Variants in TMEM117 observed in about 807,000 individuals in gnomAD.
TMEM117 encodes the protein transmembrane protein 117.
In TMEM117, 27 loss-of-function variants were observed where a neutral mutation model predicts 52.4. The ratio of observed to expected loss-of-function variants is 0.51; its 90% confidence interval spans 0.38 to 0.71. TMEM117 has a LOEUF of 0.71. Ranked by LOEUF, TMEM117 falls within the 30% of genes least tolerant of loss-of-function variation. The pLI is 0.00. For synonymous variants in TMEM117, 215 were observed against 206.3 expected (o/e 1.04, Z -0.36); for missense variants, 556 against 630.5 (o/e 0.88, Z 1.26).
intron 2 of TMEM117, among the ~76,000 whole-genome samples, chr12:43,914,639 A>G (rs1225872288): frequency 1.3e-5 from 2 of 152,158 alleles, no homozygotes; most frequent in Non-Finnish European, 1.5e-5. Context: ...GTCTGCATAT[A>G]AAAGAACAGT....
intron 4 of TMEM117, among the ~76,000 whole-genome samples, chr12:44,171,037 A>C (rs1949038503): frequency 7.6e-6 from 1 of 132,340 alleles, no homozygotes; most frequent in Non-Finnish European, 1.6e-5. Flanking sequence ...TTTTTTTGAG[A>C]CGGAGTCTCG....
At chr12:44,138,793 A>C (rs181458745) in intron 3 of TMEM117, among the ~76,000 whole-genome samples, 1 of 152,320 alleles carries the variant, frequency 6.6e-6, no homozygotes, top group East Asian at 1.9e-4. Flanking sequence ...ATTTTAAATC[A>C]AGAACTAGAG....
chr12:44,387,976 T>C (rs1332513352), intron 7 of TMEM117, 50 bp from the exon 8 acceptor site: 7 of 1,498,238 alleles, frequency 4.7e-6, no homozygotes, highest in Non-Finnish European at 6.3e-6. Context: ...GAAAACCTTA[T>C]TGCAATTTTA....
At chr12:43,992,388 C>T (rs957309081) in intron 3 of TMEM117, among the ~76,000 whole-genome samples, 5 of 152,062 alleles carry the variant, frequency 3.3e-5, no homozygotes, top group Non-Finnish European at 1.5e-5. Flanking sequence ...CCACCTCAGC[C>T]TCCCAAGTAG....
intron 2 of TMEM117, among the ~76,000 whole-genome samples, chr12:43,891,841 T>C (rs1944111476): frequency 6.6e-6 from 1 of 152,170 alleles, no homozygotes; most frequent in Non-Finnish European, 1.5e-5. Flanking sequence ...AGTTCTCTAT[T>C]ATTCCTTAAC....
chr12:43,819,509 T>C, the TMEM117 span, among the ~76,000 whole-genome samples: 4 of 152,138 alleles, frequency 2.6e-5, no homozygotes, highest in Non-Finnish European at 5.9e-5. Context: ...GCGGGATGGC[T>C]CACACCTGTA....
chr12:44,063,414 A>G (rs984162325), intron 3 of TMEM117, among the ~76,000 whole-genome samples: 16 of 152,138 alleles, frequency 1.1e-4, no homozygotes, highest in African/African-American at 3.9e-4. Context: ...TTGAAAAAAG[A>G]AAGTTCCTAT....
At chr12:43,797,030 C>T in the TMEM117 span, 41 of 1,611,776 alleles carry the variant, frequency 2.5e-5, no homozygotes, top group Non-Finnish European at 3.2e-5. Flanking sequence ...GCAGACGGCT[C>T]TTGCAGCTAG....
chr12:44,082,841 C>T (rs1185626883), intron 3 of TMEM117, among the ~76,000 whole-genome samples: 1 of 152,036 alleles, frequency 6.6e-6, no homozygotes, highest in Non-Finnish European at 1.5e-5. Context: ...CCTTATTTCT[C>T]CCATGCCTTT....
At chr12:43,942,396 A>C (rs772432368) in intron 2 of TMEM117, among the ~76,000 whole-genome samples, 2 of 152,178 alleles carry the variant, frequency 1.3e-5, no homozygotes, top group Admixed American at 6.6e-5. Context: ...TGTTGTGTGG[A>C]GGCTTGAAAA....
chr12:43,967,132 CTT>C (rs60114254), intron 3 of TMEM117, among the ~76,000 whole-genome samples: 1 of 145,900 alleles, frequency 6.9e-6, no homozygotes, highest in Non-Finnish European at 1.5e-5. Context: ...ACTTCTTCTT[CTT>C]TTTTTTTTTT....
chr12:44,385,111 A>G (rs1025139501), intron 7 of TMEM117, among the ~76,000 whole-genome samples: 4 of 152,200 alleles, frequency 2.6e-5, no homozygotes, highest in Non-Finnish European at 5.9e-5. Flanking sequence ...CCAAGGTCAT[A>G]TGCTTTAAGT....
At chr12:44,301,622 C>G (rs571971473) in intron 6 of TMEM117, among the ~76,000 whole-genome samples, 1 of 152,170 alleles carries the variant, frequency 6.6e-6, no homozygotes, top group Non-Finnish European at 1.5e-5. Flanking sequence ...GTAGTTGCCT[C>G]TAGGGACACA....
At chr12:44,321,476 G>C (rs1951128372) in intron 6 of TMEM117, among the ~76,000 whole-genome samples, 1 of 152,134 alleles carries the variant, frequency 6.6e-6, no homozygotes, top group African/African-American at 2.4e-5. Flanking sequence ...AAGAGATTCT[G>C]AACATGGCAG....
chr12:43,796,599 C>T, the TMEM117 span, among the ~76,000 whole-genome samples: 1 of 152,114 alleles, frequency 6.6e-6, no homozygotes, highest in Non-Finnish European at 1.5e-5. Context: ...CACAAGTATG[C>T]AGCTCTGGCA....
chr12:44,032,802 G>A (rs1946653368), intron 3 of TMEM117, among the ~76,000 whole-genome samples: 1 of 152,124 alleles, frequency 6.6e-6, no homozygotes, highest in African/African-American at 2.4e-5. Context: ...TAATAGTGAG[G>A]TAGGAATATC....
chr12:44,018,278 C>T (rs1471393932), intron 3 of TMEM117, among the ~76,000 whole-genome samples: 6 of 152,078 alleles, frequency 3.9e-5, no homozygotes, highest in Admixed American at 6.6e-5. Flanking sequence ...AGGACTCTTT[C>T]GTTCAAAAAT....
At chr12:44,090,857 T>TG (rs1281805846) in intron 3 of TMEM117, among the ~76,000 whole-genome samples, 5 of 146,580 alleles carry the variant, frequency 3.4e-5, no homozygotes, top group Admixed American at 3.4e-4. Context: ...TTGTTTTTTT[T>TG]TTTTTTTTGC....
intron 3 of TMEM117, among the ~76,000 whole-genome samples, chr12:44,070,964 T>C (rs1947292902): frequency 6.6e-6 from 1 of 152,210 alleles, no homozygotes; most frequent in Non-Finnish European, 1.5e-5. Flanking sequence ...AGATTCATCC[T>C]TCTGGCCTGT....
Sources: gnomAD v4.1 joint callset for allele counts (sites outside exome capture counted in the v4.1 genomes callset) on GRCh38, gnomAD v4.1.1 for gene constraint, MANE v1.5 for transcripts, NCBI Gene and HGNC (gene_info 2026-07-23, HGNC 2026-07-21) for gene names.